BICDL1: variants seen among roughly 807,000 people sequenced by gnomAD.
BICDL1 encodes the protein BICD family like cargo adaptor 1, also known as BICD family-like cargo adapter 1.
BICDL1 carries 20 observed loss-of-function variants against 76.8 expected under a neutral mutation model. The ratio of observed to expected loss-of-function variants is 0.26; its 90% CI spans 0.18 to 0.38. The LOEUF is 0.38. BICDL1 is among the 10% of genes least tolerant of loss of function. The pLI is 1.00. For synonymous variants in BICDL1, 383 were observed against 337.1 expected, an observed-to-expected ratio of 1.14 and a Z score of -1.49; for missense variants, 700 against 798.6, an observed-to-expected ratio of 0.88 and a Z score of 1.49.
rs1220577383 is a variant in BICDL1, at chr12:120,071,307, A to G, written c.910-315A>G. Among the ~76,000 whole-genome samples, 1 of 151,264 alleles carries G rather than the reference A, an allele frequency of 6.6e-6. No individual in the cohort carries two copies. The highest frequency in any genetic ancestry group is 2.4e-5 in the African/African-American group (1 of 41,152). Reference sequence around the variant, plus strand: ...CAGGTACCCGCCACCACGCCCAGCTAATTTTTGTATTTTTAGTAGAGGCAG... The same window carrying G: ...CAGGTACCCGCCACCACGCCCAGCTGATTTTTGTATTTTTAGTAGAGGCAG... On this transcript the variant is annotated intron_variant, in intron 4 of 9. Transcript: ENST00000548673. This position sits in a 1 kb window ranked among gnomAD's most constrained non-coding sequence, Gnocchi z 4.8.
At chr12:120,069,307 G>A (rs1872911525) in intron 4 of BICDL1, among the ~76,000 whole-genome samples, 1 of 152,214 alleles carries the variant, frequency 6.6e-6, no homozygotes. Context: ...TGAACGTGCA[G>A]GATGAAGGAC....
rs1277654740 is a variant in BICDL1 at position 120,093,274 on chromosome 12, T to C, written c.*113T>C. 8 of 1,252,066 alleles carry C rather than the reference T, an allele frequency of 6.4e-6. No homozygotes were observed. The East Asian group carries it at 2.0e-4, about 32-fold the overall frequency. 77.6% of individuals were successfully genotyped at this position (1,252,066 alleles called of 1,614,324 possible). A position where few individuals can be genotyped will look rare whatever the true frequency, so the allele number is the denominator to read the frequency against. ...TCAGCAGCTGCCCTGCCCCTCATGC[T>C]AGGGCCCCATGGGTCCGGGAGGGCC... On this transcript the variant is annotated 3_prime_UTR_variant, in exon 10 of 10. Transcript: ENST00000548673.
At chr12:120,037,656 T>C (rs1263544407) in intron 2 of BICDL1, among the ~76,000 whole-genome samples, 2 of 152,212 alleles carry the variant, frequency 1.3e-5, no homozygotes, top group Non-Finnish European at 2.9e-5. Flanking sequence ...ATTATGTATT[T>C]AATAGCTGAG....
chr12:120,012,097 G>A (rs754035524), intron 2 of BICDL1, among the ~76,000 whole-genome samples: 5 of 152,176 alleles, frequency 3.3e-5, no homozygotes, highest in Non-Finnish European at 7.3e-5. Context: ...TTTGCATGCA[G>A]AACATATTCA....
chr12:120,069,507 C>T (rs1279202687), intron 4 of BICDL1, among the ~76,000 whole-genome samples: 2 of 152,154 alleles, frequency 1.3e-5, no homozygotes, highest in East Asian at 3.9e-4. Flanking sequence ...AGTTCTGCTT[C>T]ACAAGGGTTT....
intron 2 of BICDL1, among the ~76,000 whole-genome samples, chr12:120,034,388 AG>A (rs1952489925): frequency 6.6e-6 from 1 of 152,204 alleles, no homozygotes; most frequent in African/African-American, 2.4e-5. Flanking sequence ...GGGGTTTTAG[AG>A]CGGCTATCTA....
intron 8 of BICDL1, 63 bp from the exon 9 acceptor site, chr12:120,089,888 A>T: frequency 1.9e-6 from 3 of 1,583,096 alleles, no homozygotes; most frequent in Non-Finnish European, 2.6e-6. Context: ...AGGTGCCCCA[A>T]GTAAAGACCA....
intron 2 of BICDL1, among the ~76,000 whole-genome samples, chr12:120,054,650 GCGGAT>G (rs1952937104): frequency 6.6e-6 from 1 of 152,132 alleles, no homozygotes; most frequent in Admixed American, 6.5e-5. Context: ...GCTGAGGTGG[GCGGAT>G]CACTTGAGAT....
intron 2 of BICDL1, among the ~76,000 whole-genome samples, chr12:120,029,942 C>T (rs922909543): frequency 6.6e-6 from 1 of 152,108 alleles, no homozygotes; most frequent in Non-Finnish European, 1.5e-5. Flanking sequence ...CCACCATGCC[C>T]GGCCCAGAAT....
intron 2 of BICDL1, among the ~76,000 whole-genome samples, chr12:120,017,415 T>C (rs1952088227): frequency 6.6e-6 from 1 of 152,204 alleles, no homozygotes; most frequent in Admixed American, 6.5e-5. Context: ...ATGTAAGTTA[T>C]TTTGTGTCTT....
At chr12:120,090,770 C>A in intron 9 of BICDL1, 1 of 672,964 alleles carries the variant, frequency 1.5e-6, no homozygotes, top group Non-Finnish European at 2.3e-6. Flanking sequence ...GTGACCATTC[C>A]TCCCAGGGCC....
intron 2 of BICDL1, among the ~76,000 whole-genome samples, chr12:120,048,396 T>A (rs1366754644): frequency 3.3e-5 from 5 of 152,186 alleles, no homozygotes; most frequent in Non-Finnish European, 5.9e-5. Flanking sequence ...CCTTTCACTG[T>A]CAAGTGCATT....
At chr12:120,040,451 A>G (rs1202248438) in intron 2 of BICDL1, among the ~76,000 whole-genome samples, 1 of 151,554 alleles carries the variant, frequency 6.6e-6, no homozygotes, top group Non-Finnish European at 1.5e-5. Context: ...GTTTGAGACA[A>G]GGTTTGGCTC....
At chr12:120,015,776 A>G (rs1952048427) in intron 2 of BICDL1, among the ~76,000 whole-genome samples, 1 of 152,188 alleles carries the variant, frequency 6.6e-6, no homozygotes, top group Admixed American at 6.5e-5. Context: ...CTCTTAATAT[A>G]TACTTAATCT....
Position 119,998,650 on chromosome 12 carries a change from C to A in BICDL1, c.559C>A (p.His187Asn). 2 of 1,614,078 alleles carry A rather than the reference C, an allele frequency of 1.2e-6. No homozygotes were observed. The highest frequency in any genetic ancestry group is 3.3e-5 in the Admixed American group (2 of 60,006). Residue 187 changes from histidine (H) to asparagine (N), a missense_variant, in exon 2 of 10, where the codon CAT (histidine) becomes AAT (asparagine). Coordinates refer to ENST00000548673, the MANE Select transcript of BICDL1 (RefSeq NM_001367886.1). ...LQDELERQQI[H>N]LREADREKSR... ...GGATGAGTTGGAGAGGCAGCAGATT[C>A]ATCTGCGGGAAGCAGATCGAGAAAA... is the stretch of plus-strand genomic sequence containing the variant.
intron 3 of BICDL1, 110 bp from the exon 4 acceptor site, chr12:120,064,623 G>T (rs759708783): frequency 3.6e-6 from 4 of 1,103,562 alleles, no homozygotes; most frequent in Non-Finnish European, 2.5e-6. Context: ...CGTGACATTG[G>T]GCAGAATACT....
intron 2 of BICDL1, among the ~76,000 whole-genome samples, chr12:120,042,286 A>T (rs556724225): frequency 6.6e-6 from 1 of 152,064 alleles, no homozygotes; most frequent in Non-Finnish European, 1.5e-5. Context: ...AGTCCACAGG[A>T]TGTGTGGATG....
chr12:120,032,996 C>T (rs1250028612), intron 2 of BICDL1, among the ~76,000 whole-genome samples: 5 of 152,170 alleles, frequency 3.3e-5, no homozygotes, highest in African/African-American at 4.8e-5. Flanking sequence ...TTGCTGGCCT[C>T]AGCCTCCCAA....
At chr12:120,039,303 CAAAAG>C (rs1407923108) in intron 2 of BICDL1, among the ~76,000 whole-genome samples, 2 of 137,878 alleles carry the variant, frequency 1.5e-5, no homozygotes, top group African/African-American at 5.4e-5. Flanking sequence ...TCTCCAAAAA[CAAAAG>C]AAAAGAAAAC....
Sources: allele counts gnomAD v4.1 joint callset (sites outside exome capture counted in the v4.1 genomes callset), GRCh38; gene constraint gnomAD v4.1.1; non-coding constraint Gnocchi (gnomAD v3.1); transcripts MANE v1.5; gene names NCBI Gene and HGNC (gene_info 2026-07-23, HGNC 2026-07-21).